LRBA: variants seen among roughly 807,000 people sequenced by gnomAD.
LRBA encodes lipopolysaccharide-responsive and beige-like anchor protein.
A neutral mutation model predicts 330.0 loss-of-function variants in LRBA; 176 were observed. The ratio of observed to expected loss-of-function variants is 0.53; its 90% CI spans 0.47 to 0.60. The LOEUF is 0.60. Among genes scored for constraint, LRBA ranks in the 20% least tolerant of loss-of-function variants. LRBA has a pLI of 0.00. For synonymous variants in LRBA, 1,230 were observed against 1,193.0 expected, an observed-to-expected ratio of 1.03 and a Z score of -0.64; for missense variants, 3,259 against 3,444.8, an observed-to-expected ratio of 0.95 and a Z score of 1.35.
Position 151,014,997 on chromosome 4 carries a change from C to T in LRBA, c.-219-136G>A, listed in dbSNP as rs7665597. ...CTACTAGCCACCCGCTTCTCCCGGG[C>T]TCAAAAAGCTGGGTTCTGGGTGAAG... On this transcript the variant is annotated intron_variant, in intron 1 of 56. Transcript: ENST00000651943. 18,705 of 194,184 alleles carry T rather than the reference C, an allele frequency of 0.096. 1,231 individuals are homozygous for T. Among genetic ancestry groups the T allele is most frequent in the Non-Finnish European group, 0.14 (13,245 of 93,590 alleles). 12.0% of individuals were successfully genotyped at this position (194,184 alleles called of 1,614,324 possible).
Position 150,832,763 on chromosome 4 carries a change from G to A in LRBA, c.4570-787C>T, listed in dbSNP as rs544215404. ...GAAGCTATTAGATACAGAATAGGAT[G>A]CCAAAGGAATTCCTTCTTTTTTTTG... On this transcript the variant is annotated intron_variant, in intron 28 of 56. Coordinates refer to ENST00000651943, the MANE Select transcript of LRBA (RefSeq NM_001364905.1). Among the ~76,000 whole-genome samples the A allele has an allele frequency of 1.1e-4, 17 of 152,140 alleles. No homozygotes were observed. In the South Asian group the frequency reaches 3.3e-3, roughly 30 times the overall value.
At position 150,908,759 on chromosome 4, in the gene LRBA, C is replaced by T. The variant is rs1465282399; in HGVS notation, c.1260G>A (p.Thr420=). The change falls in exon 10 of 57, where the codon ACG becomes ACA. Residue 420 remains threonine (T), a synonymous_variant. Coordinates refer to ENST00000651943, the MANE Select transcript of LRBA (RefSeq NM_001364905.1). ...DGKLSSAIAF[T]YNPRATDAQL... is the part of the protein sequence containing the mutation. Reference sequence around the variant, plus strand: ...GGGCATCTGTAGCCCGTGGATTGTACGTGAATGCAATGGCACTAGAGAGTT... The same window carrying T: ...GGGCATCTGTAGCCCGTGGATTGTATGTGAATGCAATGGCACTAGAGAGTT... 6 of 1,613,534 alleles carry T rather than the reference C, an allele frequency of 3.7e-6. No homozygotes were observed. Among genetic ancestry groups the T allele is most frequent in the East Asian group, 4.5e-5 (2 of 44,860 alleles).
At chr4:150,705,720 T>A (rs1005578306) in intron 36 of LRBA, among the ~76,000 whole-genome samples, 82 of 151,958 alleles carry the variant, frequency 5.4e-4, no homozygotes, top group Non-Finnish European at 1.1e-3. Flanking sequence ...ACTGCTCCAC[T>A]TAAGGATGAC....
At chr4:151,002,530 A>C (rs1579460689) in intron 2 of LRBA, among the ~76,000 whole-genome samples, 1 of 149,490 alleles carries the variant, frequency 6.7e-6, no homozygotes, top group Non-Finnish European at 1.5e-5. Flanking sequence ...GTGCCATCAC[A>C]CTCCAGCCTG....
At chr4:150,859,725 G>A (rs1751662532) in intron 22 of LRBA, among the ~76,000 whole-genome samples, 1 of 152,154 alleles carries the variant, frequency 6.6e-6, no homozygotes, top group African/African-American at 2.4e-5. Context: ...AGTTTCTTTG[G>A]CTTTTTATAG....
intron 2 of LRBA, among the ~76,000 whole-genome samples, chr4:151,009,852 T>C (rs936129483): frequency 6.6e-6 from 1 of 150,788 alleles, no homozygotes; most frequent in African/African-American, 2.4e-5. Flanking sequence ...TGGTGGCACG[T>C]GCCTGTAGTC....
intron 40 of LRBA, among the ~76,000 whole-genome samples, chr4:150,508,752 A>G (rs1442059777): frequency 6.6e-6 from 1 of 152,224 alleles, no homozygotes; most frequent in East Asian, 1.9e-4. Flanking sequence ...GAAAGAAGAA[A>G]CACATGAACC....
At chr4:150,589,812 A>G (rs1420802861) in intron 39 of LRBA, among the ~76,000 whole-genome samples, 2 of 152,216 alleles carry the variant, frequency 1.3e-5, no homozygotes, top group Admixed American at 6.5e-5. Flanking sequence ...AGAAATGGGT[A>G]AATGGATGTG....
intron 40 of LRBA, among the ~76,000 whole-genome samples, chr4:150,536,437 C>T (rs1764662821): frequency 1.3e-5 from 2 of 152,124 alleles, no homozygotes; most frequent in Admixed American, 6.6e-5. Context: ...TTCAGCATTT[C>T]ACTTGTGGTA....
chr4:150,742,030 T>C (rs1255320817), intron 35 of LRBA, among the ~76,000 whole-genome samples: 1 of 152,040 alleles, frequency 6.6e-6, no homozygotes, highest in East Asian at 1.9e-4. Context: ...ATTCACTTTA[T>C]GTAATCTGGA....
At chr4:150,604,295 T>C (rs899605026) in intron 37 of LRBA, among the ~76,000 whole-genome samples, 1 of 152,030 alleles carries the variant, frequency 6.6e-6, no homozygotes, top group South Asian at 2.1e-4. Flanking sequence ...TTCTAGCTTC[T>C]TGGGAGGCTA....
Position 150,583,725 on chromosome 4 carries a change from A to G in LRBA, c.6330+4323T>C. ...CGGCAGAGAGCGACGCCTGGGTGCT[A>G]CAGTTCGGGGAGGCGGAGAACCGCC... On this transcript the variant is annotated intron_variant, in intron 40 of 56. Coordinates refer to ENST00000651943, the MANE Select transcript of LRBA (RefSeq NM_001364905.1). This position sits in a 1 kb window ranked among gnomAD's most constrained non-coding sequence, Gnocchi z 9.8. 1 of 1,613,546 alleles carries G rather than the reference A, an allele frequency of 6.2e-7. No homozygotes were observed. Among genetic ancestry groups the G allele is most frequent in the Admixed American group, 1.7e-5 (1 of 59,958 alleles).
At chr4:150,617,494 T>C (rs1417383779) in intron 37 of LRBA, among the ~76,000 whole-genome samples, 1 of 151,882 alleles carries the variant, frequency 6.6e-6, no homozygotes, top group Non-Finnish European at 1.5e-5. Flanking sequence ...ATTCAAAAAT[T>C]AGCTGGGCAT....
At chr4:150,911,850 T>C (rs1396866922) in intron 9 of LRBA, among the ~76,000 whole-genome samples, 2 of 152,196 alleles carry the variant, frequency 1.3e-5, no homozygotes, top group African/African-American at 4.8e-5. Context: ...AGTTTTTTAT[T>C]ATTGATTCAA....
chr4:150,415,019 A>T lies in LRBA; in HGVS notation c.7194+419T>A, dbSNP rs534578156. Among the ~76,000 whole-genome samples the T allele has an allele frequency of 7.2e-5, 11 of 152,300 alleles. 1 individual carries two copies. The South Asian group carries it at 2.3e-3, about 32-fold the overall frequency. ...TTCATATTCTCAATATTACACGAAGATTTCCTTCAAATGATAGATACAGGA... is the reference window on the plus strand; with the variant it reads ...TTCATATTCTCAATATTACACGAAGTTTTCCTTCAAATGATAGATACAGGA... On this transcript the variant is annotated intron_variant, in intron 47 of 56. Coordinates refer to ENST00000651943, the MANE Select transcript of LRBA (RefSeq NM_001364905.1).
intron 36 of LRBA, among the ~76,000 whole-genome samples, chr4:150,733,996 C>T (rs1037060699): frequency 2.6e-5 from 4 of 152,086 alleles, no homozygotes; most frequent in African/African-American, 9.7e-5. Context: ...CTGTATCTTG[C>T]ACTTGCAAGA....
intron 48 of LRBA, among the ~76,000 whole-genome samples, chr4:150,335,862 G>A (rs1581045285): frequency 6.6e-6 from 1 of 151,790 alleles, no homozygotes; most frequent in South Asian, 2.1e-4. Context: ...ATGCCTGGCT[G>A]ATTTTTGTAT....
chr4:150,964,880 GAT>G (rs1738707952), intron 2 of LRBA, among the ~76,000 whole-genome samples: 1 of 152,020 alleles, frequency 6.6e-6, no homozygotes, highest in Admixed American at 6.6e-5. Context: ...GATACAAATG[GAT>G]AATTCAAAGA....
intron 56 of LRBA, among the ~76,000 whole-genome samples, chr4:150,275,635 T>C (rs1354356412): frequency 6.6e-6 from 1 of 152,024 alleles, no homozygotes; most frequent in Non-Finnish European, 1.5e-5. Flanking sequence ...TATACACCAA[T>C]AACAGACAAA....
Sources: allele counts gnomAD v4.1 joint callset (sites outside exome capture counted in the v4.1 genomes callset), GRCh38; gene constraint gnomAD v4.1.1; non-coding constraint Gnocchi (gnomAD v3.1); transcripts MANE v1.5; gene names NCBI Gene and HGNC (gene_info 2026-07-23, HGNC 2026-07-21).